Variants in DOCK1 observed in about 807,000 individuals in gnomAD.
DOCK1 encodes dedicator of cytokinesis protein 1.
Under a neutral mutation model 262.7 loss-of-function variants are expected in DOCK1, and 138 were observed. That is an observed-to-expected ratio of 0.53 (90% CI 0.46 to 0.61). The LOEUF (loss-of-function observed/expected upper bound fraction) is 0.61. Among genes scored for constraint, DOCK1 ranks in the 20% least tolerant of loss-of-function variants. The probability of loss-of-function intolerance (pLI) is 0.00; values close to 1 mark genes in which losing one functional copy is unlikely to be tolerated. For synonymous variants in DOCK1, 866 were observed against 867.4 expected, an observed-to-expected ratio of 1.00 and a Z score of 0.03; for missense variants, 1,908 against 2,370.7, an observed-to-expected ratio of 0.80 and a Z score of 4.05.
chr10:127,423,635 C>T (rs1191885322), intron 46 of DOCK1, among the ~76,000 whole-genome samples: 2 of 152,186 alleles, frequency 1.3e-5, no homozygotes, highest in Non-Finnish European at 2.9e-5. Flanking sequence ...GTGATGTATA[C>T]ATATTTCTCT....
At chr10:126,949,329 A>C (rs1368417097) in intron 1 of DOCK1, among the ~76,000 whole-genome samples, 1 of 152,074 alleles carries the variant, frequency 6.6e-6, no homozygotes, top group Non-Finnish European at 1.5e-5. Context: ...CCAGGAAGGC[A>C]CTTCTTGGTT....
At position 127,318,639 on chromosome 10, in the gene DOCK1, G is replaced by A. The variant is rs574309500; in HGVS notation, c.3045-20367G>A. Among the ~76,000 whole-genome samples, 14 of 152,324 alleles carry A rather than the reference G, an allele frequency of 9.2e-5. No individual in the cohort carries two copies. The South Asian group carries it at 2.9e-3, about 32-fold the overall frequency. On this transcript the variant is annotated intron_variant, in intron 29 of 51. Coordinates refer to ENST00000623213, the MANE Select transcript of DOCK1 (RefSeq NM_001290223.2). ...TCACGAATGCTTTGGGTGTGGCATG[G>A]CAGTGTGGTCTCATTGTGTAAGGTG...
At chr10:126,992,230 T>C (rs545953238) in intron 6 of DOCK1, among the ~76,000 whole-genome samples, 88 of 152,304 alleles carry the variant, frequency 5.8e-4, no homozygotes, top group African/African-American at 2.0e-3. Context: ...TTGATTTGAT[T>C]TTCTATTGGA....
intron 1 of DOCK1, among the ~76,000 whole-genome samples, chr10:126,920,208 G>GA (rs1206584196): frequency 2.0e-5 from 3 of 152,238 alleles, no homozygotes; most frequent in Admixed American, 1.3e-4. Flanking sequence ...ATGATTTGGG[G>GA]ATATCACTGT....
chr10:127,246,050 G>A (rs1365229901), intron 27 of DOCK1, among the ~76,000 whole-genome samples: 1 of 152,276 alleles, frequency 6.6e-6, no homozygotes, highest in South Asian at 2.1e-4. Context: ...AGAGTACTTC[G>A]AAGCCTCTTC....
intron 1 of DOCK1, among the ~76,000 whole-genome samples, chr10:126,969,721 C>T (rs552912268): frequency 2.0e-4 from 30 of 152,242 alleles, no homozygotes; most frequent in African/African-American, 7.0e-4. Context: ...TGGCTTCTTT[C>T]CTTCAGTAGA....
intron 12 of DOCK1, chr10:127,018,489 A>C (rs1373670056): frequency 5.0e-6 from 3 of 594,608 alleles, no homozygotes; most frequent in Non-Finnish European, 8.8e-6. Flanking sequence ...GCTGTCTGTG[A>C]GTCACCCTAG....
chr10:127,083,693 A>G (rs1264502656), intron 23 of DOCK1, among the ~76,000 whole-genome samples: 1 of 152,172 alleles, frequency 6.6e-6, no homozygotes, highest in Non-Finnish European at 1.5e-5. Context: ...TGATTTTTTA[A>G]TCTTCCCAAC....
Position 126,918,914 on chromosome 10 carries a change from G to GGAGGATTCGGACAGGTGAGCACA in DOCK1, c.46+13358_46+13359insCGGACAGGTGAGCACAGAGGATT, listed in dbSNP as rs2032849903. The stretch of plus-strand genomic sequence containing the variant: ...ACGGAGGATTCGGACAGGTGGGCAC[G>GGAGGATTCGGACAGGTGAGCACA]GAGGATTTGGAGGAGGAGAAAGTCA... On this transcript the variant is annotated intron_variant, in intron 1 of 51. Transcript: ENST00000623213. 2.8e-5 allele frequency among the ~76,000 whole-genome samples: 4 copies of GGAGGATTCGGACAGGTGAGCACA among 141,606 alleles called. 1 individual carries two copies. Among genetic ancestry groups the GGAGGATTCGGACAGGTGAGCACA allele is most frequent in the African/African-American group, 1.0e-4 (4 of 38,312 alleles). 92.9% of individuals were successfully genotyped at this position (141,606 alleles called of 152,430 possible). A position where few individuals can be genotyped will look rare whatever the true frequency, so the allele number is the denominator to read the frequency against.
At position 127,123,696 on chromosome 10, in the gene DOCK1, C is replaced by T. The variant is rs549265592; in HGVS notation, c.2624-1778C>T. 2.6e-5 allele frequency among the ~76,000 whole-genome samples: 4 copies of T among 152,186 alleles called. No individual in the cohort carries two copies. The East Asian group carries it at 7.7e-4, about 29-fold the overall frequency. On this transcript the variant is annotated intron_variant, in intron 25 of 51. Transcript: ENST00000623213. ...GGATTCACTCCCATGAGGTCATTTT[C>T]TTGTTCATTTCTCTTAGACTGGCTT...
At chr10:127,391,600 C>A (rs1394333860) in intron 38 of DOCK1, among the ~76,000 whole-genome samples, 2 of 71,196 alleles carry the variant, frequency 2.8e-5, no homozygotes, top group African/African-American at 6.0e-5. Context: ...TCTGTCTATG[C>A]ACGTGCCTTA....
chr10:127,176,290 G>A lies in DOCK1; in HGVS notation c.2847+48526G>A, dbSNP rs1251294324. The A allele has an allele frequency of 8.7e-6, 14 of 1,614,078 alleles. No individual in the cohort carries two copies. Among genetic ancestry groups the A allele is most frequent in the Non-Finnish European group, 1.2e-5 (14 of 1,180,026 alleles). On this transcript the variant is annotated intron_variant, in intron 27 of 51. Transcript: ENST00000623213. The surrounding 1 kb of genome is among the most constrained non-coding windows in gnomAD (Gnocchi z 4.4). ...GCTTTGTTCCGTTTTTTAATCTGCC[G>A]GTTGGGGTCCAGGGCGTATTTCATC...
Position 127,439,258 on chromosome 10 carries a change from G to A in DOCK1, c.5259+33G>A, listed in dbSNP as rs758832152. On this transcript the variant is annotated intron_variant, in intron 49 of 51. Coordinates refer to ENST00000623213, the MANE Select transcript of DOCK1 (RefSeq NM_001290223.2). Reference sequence around the variant, plus strand: ...GACAGGGTATCTTTCCTCGCTCTGCGGTAGCTTCAGGGACCTACCTTTGCC... The same window carrying A: ...GACAGGGTATCTTTCCTCGCTCTGCAGTAGCTTCAGGGACCTACCTTTGCC... 25 of 1,578,310 alleles carry A rather than the reference G, an allele frequency of 1.6e-5. No individual in the cohort carries two copies. The African/African-American group carries it at 1.6e-4, about 10-fold the overall frequency.
intron 16 of DOCK1, 72 bp downstream of exon 16, chr10:127,026,496 C>CT: frequency 7.2e-7 from 1 of 1,386,864 alleles, no homozygotes; most frequent in Non-Finnish European, 1.0e-6. Flanking sequence ...AGAGGCCACT[C>CT]TCAGTTGTTC....
intron 16 of DOCK1, among the ~76,000 whole-genome samples, chr10:127,029,217 G>T (rs1279767269): frequency 1.3e-5 from 2 of 152,230 alleles, no homozygotes; most frequent in South Asian, 4.1e-4. Context: ...CATCGCAGGT[G>T]CGATGCCGAT....
At chr10:126,969,576 G>GGT (rs2134660379) in intron 1 of DOCK1, among the ~76,000 whole-genome samples, 1 of 152,310 alleles carries the variant, frequency 6.6e-6, no homozygotes, top group African/African-American at 2.4e-5. Flanking sequence ...AGCTTTGCGT[G>GGT]GTGCCAGGGC....
intron 46 of DOCK1, among the ~76,000 whole-genome samples, chr10:127,419,985 T>C (rs77561599): frequency 0.015 from 2,243 of 152,296 alleles, 49 homozygotes; most frequent in African/African-American, 0.046. Flanking sequence ...AAGGTCTCTT[T>C]CCTCCCCTTG....
Position 127,201,796 on chromosome 10 carries a change from AC to A in DOCK1, c.2848-46209del, listed in dbSNP as rs986664200. 3.7e-4 allele frequency among the ~76,000 whole-genome samples: 56 copies of A among 151,366 alleles called. 1 individual carries two copies. Among genetic ancestry groups the A allele is most frequent in the Admixed American group, 2.6e-4 (4 of 15,210 alleles). On this transcript the variant is annotated intron_variant, in intron 27 of 51. Transcript: ENST00000623213. ...CGGACTCCTGGGGAATGAAACAGAA[AC>A]CCTTTATTTTGTTGACCTTTATTTG...
chr10:127,080,992 C>T (rs539780012), intron 23 of DOCK1, among the ~76,000 whole-genome samples: 22 of 152,166 alleles, frequency 1.4e-4, no homozygotes, highest in Non-Finnish European at 2.9e-4. Flanking sequence ...TTTGCTTTCT[C>T]TATGAATTAA....
Sources: allele counts gnomAD v4.1 joint callset (sites outside exome capture counted in the v4.1 genomes callset), GRCh38; gene constraint gnomAD v4.1.1; non-coding constraint Gnocchi (gnomAD v3.1); transcripts MANE v1.5; gene names NCBI Gene and HGNC (gene_info 2026-07-23, HGNC 2026-07-21).